SMARCA2: variants seen among roughly 807,000 people sequenced by gnomAD.
The protein encoded by SMARCA2 is SWI/SNF-related matrix-associated actin-dependent regulator of chromatin subfamily A member 2.
In SMARCA2, 61 loss-of-function variants were observed where a neutral mutation model predicts 199.8. The ratio of observed to expected loss-of-function variants is 0.31; its 90% CI spans 0.25 to 0.38. The LOEUF is 0.38. Among genes scored for constraint, SMARCA2 ranks in the 10% least tolerant of loss-of-function variants. SMARCA2 has a pLI of 1.00. For synonymous variants in SMARCA2, 935 were observed against 732.0 expected, an observed-to-expected ratio of 1.28 and a Z score of -4.48; for missense variants, 1,344 against 2,012.2, an observed-to-expected ratio of 0.67 and a Z score of 6.35.
intron 1 of SMARCA2, among the ~76,000 whole-genome samples, chr9:2,027,280 A>G (rs1001080556): frequency 1.3e-5 from 2 of 151,980 alleles, no homozygotes; most frequent in African/African-American, 2.4e-5. Flanking sequence ...TGTCTTTACA[A>G]AAGATAAAAA....
In SMARCA2 at chr9:2,086,843, C is replaced by T; in HGVS notation, c.2541C>T (p.Tyr847=). The T allele has an allele frequency of 6.2e-7, 1 of 1,614,082 alleles. No homozygotes were observed. Among genetic ancestry groups the T allele is most frequent in the Non-Finnish European group, 8.5e-7 (1 of 1,179,972 alleles). Residue 847 remains tyrosine, a synonymous_variant, in exon 18 of 34, where the codon TAC becomes TAT. Coordinates refer to ENST00000349721, the MANE Select transcript of SMARCA2 (RefSeq NM_003070.5). The surrounding 1 kb of genome is among the most constrained non-coding windows in gnomAD (Gnocchi z 4.3). ...KHILAKIRWK[Y]MIVDEGHRMK... is the part of the protein sequence containing the mutation. ...TTGTGTTATAGATTCGGTGGAAATA[C>T]ATGATAGTGGACGAAGGCCACCGAA...
At chr9:2,070,507 GAAT>G (rs758042163) in intron 10 of SMARCA2, 36 bp downstream of exon 10, 3 of 1,530,750 alleles carry the variant, frequency 2.0e-6, no homozygotes, top group Non-Finnish European at 1.8e-6. Context: ...GTGTTCTGCT[GAAT>G]GGAGTCTGTG....
chr9:2,059,083 T>C (rs1292121895), intron 8 of SMARCA2, among the ~76,000 whole-genome samples: 1 of 152,188 alleles, frequency 6.6e-6, no homozygotes, highest in East Asian at 1.9e-4. Context: ...AAGAGATAGG[T>C]TTATATCATT....
chr9:2,128,131 C>T (rs1003570108), intron 27 of SMARCA2, among the ~76,000 whole-genome samples: 1 of 152,184 alleles, frequency 6.6e-6, no homozygotes, highest in Non-Finnish European at 1.5e-5. Context: ...GCTCCCATCC[C>T]ATCCTCCTCT....
chr9:2,145,754 G>A (rs747122421), intron 27 of SMARCA2, among the ~76,000 whole-genome samples: 19 of 152,218 alleles, frequency 1.2e-4, no homozygotes, highest in Admixed American at 7.2e-4. Flanking sequence ...TGTTTTTACA[G>A]TATCTAGTTT....
At chr9:2,167,277 T>C (rs1825980226) in intron 28 of SMARCA2, among the ~76,000 whole-genome samples, 1 of 152,228 alleles carries the variant, frequency 6.6e-6, no homozygotes, top group Non-Finnish European at 1.5e-5. Context: ...TTGTTCACCA[T>C]TTATTATGCC....
At chr9:2,156,437 TTTTTTTTTTG>T (rs1825366606) in intron 27 of SMARCA2, among the ~76,000 whole-genome samples, 2 of 61,822 alleles carry the variant, frequency 3.2e-5, no homozygotes, top group African/African-American at 4.5e-5. Flanking sequence ...TTTTTTTTTT[TTTTTTTTTTG>T]AGGCAGAGTT....
intron 32 of SMARCA2, among the ~76,000 whole-genome samples, chr9:2,186,784 C>G (rs1827489662): frequency 6.6e-6 from 1 of 152,236 alleles, no homozygotes. Flanking sequence ...CCTCGGCCTC[C>G]CAAAGTGCTG....
chr9:2,106,885 T>A (rs920475969), intron 23 of SMARCA2, among the ~76,000 whole-genome samples: 6 of 152,266 alleles, frequency 3.9e-5, no homozygotes, highest in Non-Finnish European at 2.9e-5. Context: ...CATGAAAGTC[T>A]GACAGTGTGT....
At chr9:2,077,236 T>A (rs1381820689) in intron 13 of SMARCA2, among the ~76,000 whole-genome samples, 1 of 152,160 alleles carries the variant, frequency 6.6e-6, no homozygotes, top group Non-Finnish European at 1.5e-5. Context: ...TGAATAGGAT[T>A]TATCTTTGTA....
In SMARCA2 at chr9:2,029,241, G is replaced by C. The variant is rs1391230429; in HGVS notation, c.219G>C (p.Met73Ile). ...TDFPQEGMHQMHKPIDGIHDK... is the reference protein window; with the variant it reads ...TDFPQEGMHQIHKPIDGIHDK... Reference sequence around the variant, plus strand: ...TCCCACAGGAAGGCATGCATCAAATGCATAAGGTAAGAGTTTGTTCTCCCA... The same window carrying C: ...TCCCACAGGAAGGCATGCATCAAATCCATAAGGTAAGAGTTTGTTCTCCCA... Residue 73 changes from methionine to isoleucine, a missense_variant, in exon 2 of 34, where the codon ATG becomes ATC. Physicochemically the swap from Met to Ile is conservative, Grantham distance 10. Transcript: ENST00000349721. 1 of 1,610,380 alleles carries C rather than the reference G, an allele frequency of 6.2e-7. No individual in the cohort carries two copies. The highest frequency in any genetic ancestry group is 1.1e-5 in the South Asian group (1 of 90,248).
At chr9:2,183,582 G>A (rs1827210633) in intron 31 of SMARCA2, among the ~76,000 whole-genome samples, 1 of 152,164 alleles carries the variant, frequency 6.6e-6, no homozygotes, top group South Asian at 2.1e-4. Flanking sequence ...AATTCCTTAA[G>A]CCTGTTTCCT....
At chr9:2,172,477 G>C (rs964942302) in intron 29 of SMARCA2, among the ~76,000 whole-genome samples, 10 of 151,344 alleles carry the variant, frequency 6.6e-5, no homozygotes, top group Admixed American at 2.6e-4. Flanking sequence ...GGGAAGGGGG[G>C]ATGTAGCCAT....
intron 19 of SMARCA2, chr9:2,096,452 A>C (rs1822276535): frequency 4.2e-6 from 2 of 471,218 alleles, no homozygotes; most frequent in Non-Finnish European, 7.6e-6. Flanking sequence ...TAACCTTCAG[A>C]AGGCCCCCCC....
chr9:2,089,898 CT>C (rs1048987375), intron 19 of SMARCA2, among the ~76,000 whole-genome samples: 12 of 151,472 alleles, frequency 7.9e-5, no homozygotes, highest in Admixed American at 4.6e-4. Flanking sequence ...CCCATAATTT[CT>C]TTTTTTTTCT....
intron 13 of SMARCA2, among the ~76,000 whole-genome samples, 194 bp from the exon 14 acceptor site, chr9:2,077,434 TC>T (rs1483313510): frequency 3.3e-5 from 5 of 152,220 alleles, no homozygotes; most frequent in Non-Finnish European, 5.9e-5. Context: ...ATGGGGATGA[TC>T]ATCATAACGC....
chr9:2,061,294 G>A (rs1182122773), intron 9 of SMARCA2, among the ~76,000 whole-genome samples: 1 of 152,180 alleles, frequency 6.6e-6, no homozygotes, highest in Non-Finnish European at 1.5e-5. Context: ...ACACAAATAA[G>A]TGTTCGCTTA....
chr9:2,186,752 C>T (rs551889574), intron 32 of SMARCA2, among the ~76,000 whole-genome samples: 1 of 152,368 alleles, frequency 6.6e-6, no homozygotes, highest in Admixed American at 6.5e-5. Flanking sequence ...TCTCAAACTC[C>T]TGGCCTCACG....
At chr9:2,141,052 G>T (rs60388982) in intron 27 of SMARCA2, among the ~76,000 whole-genome samples, 1 of 151,948 alleles carries the variant, frequency 6.6e-6, no homozygotes, top group South Asian at 2.1e-4. Flanking sequence ...CACCTCTCAT[G>T]TAGTCAATGC....
Sources: gnomAD v4.1 joint callset for allele counts (sites outside exome capture counted in the v4.1 genomes callset) on GRCh38, gnomAD v4.1.1 for gene constraint, Gnocchi (gnomAD v3.1) non-coding constraint, MANE v1.5 for transcripts, NCBI Gene and HGNC (gene_info 2026-07-23, HGNC 2026-07-21) for gene names.